Variants in TMEM232 observed in about 807,000 individuals in gnomAD.
TMEM232 encodes transmembrane protein 232.
In TMEM232, 80 loss-of-function variants were observed where a neutral mutation model predicts 78.8. The ratio of observed to expected loss-of-function variants is 1.01; its 90% CI spans 0.85 to 1.22. The LOEUF (loss-of-function observed/expected upper bound fraction) is 1.22. Among genes scored for constraint, TMEM232 ranks in the 50% most tolerant of loss-of-function variants. TMEM232 has a pLI of 0.00. For missense variants in TMEM232, 881 were observed against 742.2 expected, an observed-to-expected ratio of 1.19 and a Z score of -2.17; for synonymous variants, 297 against 254.3, an observed-to-expected ratio of 1.17 and a Z score of -1.60.
At chr5:110,619,385 T>A (rs1783352092) in intron 7 of TMEM232, among the ~76,000 whole-genome samples, 1 of 152,310 alleles carries the variant, frequency 6.6e-6, no homozygotes, top group South Asian at 2.1e-4. Context: ...ACATAAATTT[T>A]AAGCTAAGAT....
intron 13 of TMEM232, among the ~76,000 whole-genome samples, chr5:110,422,506 C>A (rs963166590): frequency 4.7e-5 from 5 of 106,952 alleles, no homozygotes; most frequent in African/African-American, 2.0e-4. Flanking sequence ...GGCCACAGAG[C>A]GAGACTCTGT....
At chr5:110,444,824 GCTT>G (rs1181785000) in intron 12 of TMEM232, among the ~76,000 whole-genome samples, 1 of 152,026 alleles carries the variant, frequency 6.6e-6, no homozygotes. Flanking sequence ...AAGCCTCTTT[GCTT>G]CTTATTTTTT....
intron 10 of TMEM232, among the ~76,000 whole-genome samples, chr5:110,599,959 A>AAACT (rs1328393858): frequency 1.3e-5 from 2 of 151,590 alleles, no homozygotes; most frequent in East Asian, 1.9e-4. Context: ...AAATCATAAC[A>AAACT]GTCTCTCAGA....
chr5:110,413,005 T>C (rs1297772850), intron 2 of TMEM232, among the ~76,000 whole-genome samples: 5 of 152,226 alleles, frequency 3.3e-5, no homozygotes, highest in Non-Finnish European at 1.5e-5. Flanking sequence ...CCATGTGTGA[T>C]ATTTAATAAT....
downstream of TMEM232, among the ~76,000 whole-genome samples, chr5:110,417,240 T>C (rs569332204): frequency 2.4e-4 from 36 of 152,320 alleles, no homozygotes; most frequent in African/African-American, 8.7e-4. Context: ...TTTTTAACAG[T>C]AGAGGCATTT....
At chr5:110,582,065 G>A (rs1778269017) in intron 10 of TMEM232, among the ~76,000 whole-genome samples, 1 of 151,994 alleles carries the variant, frequency 6.6e-6, no homozygotes. Context: ...TGGTGGGAAT[G>A]TAAATTAGTT....
intron 12 of TMEM232, among the ~76,000 whole-genome samples, chr5:110,519,866 G>A (rs1431753359): frequency 1.3e-5 from 2 of 150,108 alleles, no homozygotes; most frequent in Non-Finnish European, 3.0e-5. Context: ...AAATAAGCCA[G>A]GCCAGAAAGA....
chr5:110,727,722 T>G (rs1798299144), upstream of TMEM232, among the ~76,000 whole-genome samples: 1 of 152,222 alleles, frequency 6.6e-6, no homozygotes, highest in Non-Finnish European at 1.5e-5. Context: ...GATTCGGAAT[T>G]AAGTTTTTTT....
intron 13 of TMEM232, among the ~76,000 whole-genome samples, chr5:110,422,519 CAAAAAAAAAAAAA>C (rs34448955): frequency 1.2e-4 from 4 of 34,570 alleles, no homozygotes; most frequent in African/African-American, 2.7e-4. Context: ...GACTCTGTCT[CAAAAAAAAAAAAA>C]AAAAAAAAAA....
intron 12 of TMEM232, among the ~76,000 whole-genome samples, chr5:110,481,921 C>G (rs986505039): frequency 6.6e-6 from 1 of 152,146 alleles, no homozygotes; most frequent in African/African-American, 2.4e-5. Flanking sequence ...ACAACTGGCT[C>G]TTAGCGCACA....
chr5:110,708,097 G>A (rs1796121730), intron 1 of TMEM232, among the ~76,000 whole-genome samples: 1 of 152,132 alleles, frequency 6.6e-6, no homozygotes, highest in South Asian at 2.1e-4. Flanking sequence ...AGTTATGGTG[G>A]CTACAGTAAA....
chr5:110,423,189 T>C (rs947826708), intron 13 of TMEM232, among the ~76,000 whole-genome samples: 12 of 152,184 alleles, frequency 7.9e-5, no homozygotes, highest in Admixed American at 7.9e-4. Context: ...TTAGGAATCA[T>C]AAGCCAAGAA....
At chr5:110,529,526 C>T (rs151148496) in intron 11 of TMEM232, among the ~76,000 whole-genome samples, 119 of 152,220 alleles carry the variant, frequency 7.8e-4, no homozygotes, top group African/African-American at 2.7e-3. Context: ...GGATTACAGG[C>T]GTGAGCCACC....
intron 1 of TMEM232, among the ~76,000 whole-genome samples, chr5:110,701,841 A>G (rs1440325032): frequency 6.6e-6 from 1 of 152,022 alleles, no homozygotes; most frequent in African/African-American, 2.4e-5. Flanking sequence ...ATATTGTAAA[A>G]CCTATTCCCT....
At chr5:110,598,414 G>A (rs1309297281) in intron 10 of TMEM232, among the ~76,000 whole-genome samples, 1 of 152,146 alleles carries the variant, frequency 6.6e-6, no homozygotes, top group Non-Finnish European at 1.5e-5. Context: ...CTGTTGGTGG[G>A]ACTGTAAACT....
chr5:110,714,221 C>G (rs547556190), intron 1 of TMEM232, among the ~76,000 whole-genome samples: 1 of 152,260 alleles, frequency 6.6e-6, no homozygotes, highest in East Asian at 1.9e-4. Context: ...ATTTCATTGA[C>G]ACGTACTGAT....
At chr5:110,615,700 T>C (rs1162529778) in intron 8 of TMEM232, among the ~76,000 whole-genome samples, 1 of 151,956 alleles carries the variant, frequency 6.6e-6, no homozygotes, top group Non-Finnish European at 1.5e-5. Flanking sequence ...ACTATCTTTG[T>C]TTGCTGACCA....
chr5:110,405,085 T>C (rs1035111238), intron 2 of TMEM232, among the ~76,000 whole-genome samples: 2 of 152,070 alleles, frequency 1.3e-5, no homozygotes, highest in East Asian at 1.9e-4. Flanking sequence ...CCTGACCAAA[T>C]TGAATCCAAA....
chr5:110,604,952 C>A (rs1303553473), intron 10 of TMEM232, among the ~76,000 whole-genome samples, 157 bp downstream of exon 10: 2 of 151,774 alleles, frequency 1.3e-5, no homozygotes, highest in East Asian at 3.9e-4. Context: ...TGACACCTGG[C>A]CTCAAAAAAT....
Sources: gnomAD v4.1 joint callset for allele counts (sites outside exome capture counted in the v4.1 genomes callset) on GRCh38, gnomAD v4.1.1 for gene constraint, MANE v1.5 for transcripts, NCBI Gene and HGNC (gene_info 2026-07-23, HGNC 2026-07-21) for gene names.